The following ROBO1 variants were observed in gnomAD, a reference collection of about 807,000 sequenced individuals.
The protein encoded by ROBO1 is roundabout guidance receptor 1, also known as roundabout homolog 1.
A neutral mutation model predicts 195.9 loss-of-function variants in ROBO1; 149 were observed. The observed-to-expected ratio is 0.76, with a 90% CI of 0.67 to 0.87. The LOEUF is 0.87. ROBO1 is among the 40% of genes least tolerant of loss of function. The pLI, the probability that ROBO1 is intolerant of heterozygous loss-of-function variation, is 0.00. For synonymous variants in ROBO1, 816 were observed against 733.2 expected (o/e 1.11, Z -1.82); for missense variants, 1,933 against 2,068.3 (o/e 0.93, Z 1.27).
chr3:79,342,016 C>T (rs531825319), intron 2 of ROBO1, among the ~76,000 whole-genome samples: 3 of 152,130 alleles, frequency 2.0e-5, no homozygotes, highest in African/African-American at 7.2e-5. Flanking sequence ...AAGAGAGGGG[C>T]TTTCCAATTG....
At chr3:79,396,818 G>C (rs1167850071) in intron 2 of ROBO1, among the ~76,000 whole-genome samples, 2 of 152,064 alleles carry the variant, frequency 1.3e-5, no homozygotes, top group African/African-American at 4.8e-5. Flanking sequence ...ACTTGAAACA[G>C]AGTGAGTTAC....
At chr3:79,627,689 T>C (rs1031448784) in intron 1 of ROBO1, among the ~76,000 whole-genome samples, 2 of 151,964 alleles carry the variant, frequency 1.3e-5, no homozygotes, top group African/African-American at 4.8e-5. Flanking sequence ...ACAGCAAAAG[T>C]AACTATCATC....
intron 24 of ROBO1, among the ~76,000 whole-genome samples, chr3:78,632,722 A>G (rs1705255502): frequency 6.6e-6 from 1 of 152,202 alleles, no homozygotes; most frequent in Non-Finnish European, 1.5e-5. Context: ...CTGAAGGTCA[A>G]TTAAAGATTA....
intron 10 of ROBO1, among the ~76,000 whole-genome samples, chr3:78,672,920 T>A (rs1367440668): frequency 6.6e-6 from 1 of 152,108 alleles, no homozygotes; most frequent in Admixed American, 6.6e-5. Flanking sequence ...GTTAGCACCA[T>A]ACAACAGAAA....
At chr3:78,651,535 T>G (rs1706658444) in intron 19 of ROBO1, among the ~76,000 whole-genome samples, 197 bp downstream of exon 19, 6 of 152,276 alleles carry the variant, frequency 3.9e-5, no homozygotes, top group Admixed American at 3.9e-4. Flanking sequence ...AAGAAACTAA[T>G]AAACTCTATT....
chr3:78,668,311 C>T lies in ROBO1; in HGVS notation c.1631-9G>A, dbSNP rs1327690812. 6.2e-7 allele frequency: 1 copy of T among 1,611,266 alleles called. No homozygotes were observed. Among genetic ancestry groups the T allele is most frequent in the Admixed American group, 1.7e-5 (1 of 59,456 alleles). ...AACTGGAACTCCAAATTCTAAAAAG[C>T]AGGAAAAAGGCCAAAATAAAAGATG... On this transcript the variant is annotated splice_polypyrimidine_tract_variant and intron_variant, in intron 12 of 30. Coordinates refer to ENST00000464233, the MANE Select transcript of ROBO1 (RefSeq NM_002941.4).
At chr3:79,054,802 G>A (rs1157420636) in intron 3 of ROBO1, among the ~76,000 whole-genome samples, 1 of 152,112 alleles carries the variant, frequency 6.6e-6, no homozygotes, top group Non-Finnish European at 1.5e-5. Flanking sequence ...ACAGAACCAG[G>A]GAAATGGGAA....
At chr3:79,624,778 TAGAC>T (rs1380245830) in intron 1 of ROBO1, among the ~76,000 whole-genome samples, 19 of 152,210 alleles carry the variant, frequency 1.2e-4, no homozygotes, top group Non-Finnish European at 2.5e-4. Context: ...CTGTCTGTAT[TAGAC>T]AGATCAACAA....
At chr3:79,118,744 T>G (rs908271972) in intron 3 of ROBO1, among the ~76,000 whole-genome samples, 3 of 151,836 alleles carry the variant, frequency 2.0e-5, no homozygotes, top group African/African-American at 7.3e-5. Context: ...GGTGCGTCCC[T>G]GTAGTCCCAG....
chr3:79,447,023 G>A (rs1431489705), intron 2 of ROBO1, among the ~76,000 whole-genome samples: 2 of 151,746 alleles, frequency 1.3e-5, no homozygotes, highest in Non-Finnish European at 2.9e-5. Flanking sequence ...TAGAGACGGG[G>A]TTTCACCATG....
chr3:78,677,366 GAC>G (rs1229164918), intron 10 of ROBO1, among the ~76,000 whole-genome samples: 3 of 152,028 alleles, frequency 2.0e-5, no homozygotes, highest in African/African-American at 7.2e-5. Flanking sequence ...CCAATTAAAA[GAC>G]ACAGACTGGC....
chr3:79,045,937 C>T (rs570769953), intron 3 of ROBO1, among the ~76,000 whole-genome samples: 1 of 152,264 alleles, frequency 6.6e-6, no homozygotes, highest in African/African-American at 2.4e-5. Flanking sequence ...TCACTAAACT[C>T]TAACTTAAAG....
chr3:79,147,845 G>A (rs2080685334), intron 2 of ROBO1, among the ~76,000 whole-genome samples: 2 of 151,908 alleles, frequency 1.3e-5, no homozygotes, highest in African/African-American at 4.8e-5. Context: ...TTTCAATAGA[G>A]AATTTCAAAA....
intron 29 of ROBO1, among the ~76,000 whole-genome samples, chr3:78,601,246 G>A (rs1339085263): frequency 6.6e-6 from 1 of 152,142 alleles, no homozygotes; most frequent in African/African-American, 2.4e-5. Flanking sequence ...TCTCTGTAGT[G>A]GAAGGGTAAG....
At chr3:78,924,293 A>G (rs1162106810) in intron 4 of ROBO1, among the ~76,000 whole-genome samples, 1 of 152,108 alleles carries the variant, frequency 6.6e-6, no homozygotes, top group Non-Finnish European at 1.5e-5. Flanking sequence ...ATATCTAATC[A>G]ATTTCATGCT....
chr3:78,631,748 T>C (rs527562194), intron 24 of ROBO1, among the ~76,000 whole-genome samples: 30 of 152,302 alleles, frequency 2.0e-4, no homozygotes, highest in Admixed American at 5.2e-4. Context: ...TACTTGTCCA[T>C]TGAAATGTTT....
intron 4 of ROBO1, among the ~76,000 whole-genome samples, chr3:78,818,603 C>G (rs895607855): frequency 6.6e-6 from 1 of 152,224 alleles, no homozygotes; most frequent in African/African-American, 2.4e-5. Context: ...GGAGGCTGAA[C>G]TGGTGGGGCA....
intron 2 of ROBO1, among the ~76,000 whole-genome samples, chr3:79,154,246 T>C (rs1488473984): frequency 2.6e-5 from 4 of 151,768 alleles, no homozygotes; most frequent in African/African-American, 9.7e-5. Flanking sequence ...ACAATTAAAG[T>C]CTTTACAATC....
intron 1 of ROBO1, among the ~76,000 whole-genome samples, chr3:79,603,770 A>G (rs1207851102): frequency 1.3e-5 from 2 of 152,070 alleles, no homozygotes; most frequent in Non-Finnish European, 2.9e-5. Flanking sequence ...GGTATGGAGT[A>G]AAGTGCTTTT....
Sources: allele counts gnomAD v4.1 joint callset (sites outside exome capture counted in the v4.1 genomes callset), GRCh38; gene constraint gnomAD v4.1.1; transcripts MANE v1.5; gene names NCBI Gene and HGNC (gene_info 2026-07-23, HGNC 2026-07-21).